The following XKR9 variants were observed in gnomAD, a reference collection of about 807,000 sequenced individuals.
XKR9 encodes the protein XK-related protein 9.
In XKR9, 32 loss-of-function variants were observed where a neutral mutation model predicts 32.0. The observed-to-expected ratio is 1.00, with a 90% CI of 0.76 to 1.34. The LOEUF is 1.34. Ranked by LOEUF, XKR9 falls within the 40% of genes most tolerant of loss-of-function variation. XKR9 has a pLI of 0.00. For synonymous variants in XKR9, 168 were observed against 143.4 expected (o/e 1.17, Z -1.22); for missense variants, 546 against 429.7 (o/e 1.27, Z -2.39).
At chr8:70,874,924 G>GT in the XKR9 span, among the ~76,000 whole-genome samples, 1 of 152,122 alleles carries the variant, frequency 6.6e-6, no homozygotes, top group Non-Finnish European at 1.5e-5. Context: ...TAAAGATTGA[G>GT]TTTTATTGAT....
intron 3 of XKR9, among the ~76,000 whole-genome samples, chr8:70,704,270 A>G (rs1805642986): frequency 6.6e-6 from 1 of 152,180 alleles, no homozygotes. Flanking sequence ...TTATATTCAT[A>G]TTCCTTTTTC....
At chr8:70,876,677 A>G in the XKR9 span, among the ~76,000 whole-genome samples, 1 of 152,138 alleles carries the variant, frequency 6.6e-6, no homozygotes, top group Non-Finnish European at 1.5e-5. Flanking sequence ...GTAAAATGAC[A>G]TTTAGTAAAT....
chr8:70,976,300 G>T, the XKR9 span, among the ~76,000 whole-genome samples: 1 of 152,148 alleles, frequency 6.6e-6, no homozygotes, highest in Non-Finnish European at 1.5e-5. Context: ...CCTGTGTCTT[G>T]TGCCAGTTTT....
At chr8:70,680,679 A>G (rs1317988487) in intron 2 of XKR9, 102 bp from the exon 3 acceptor site, 1 of 155,952 alleles carries the variant, frequency 6.4e-6, no homozygotes, top group East Asian at 1.9e-4. Flanking sequence ...TAGTGGCAAT[A>G]TATTATTTTT....
chr8:70,812,954 T>C, the XKR9 span, among the ~76,000 whole-genome samples: 1 of 152,122 alleles, frequency 6.6e-6, no homozygotes, highest in Non-Finnish European at 1.5e-5. Flanking sequence ...TTAAATTTCA[T>C]ATGGAACCAA....
the XKR9 span, among the ~76,000 whole-genome samples, chr8:71,005,866 C>G: frequency 6.6e-6 from 1 of 152,128 alleles, no homozygotes; most frequent in African/African-American, 2.4e-5. Context: ...TGCTAACTTC[C>G]AGATGAAAAG....
the XKR9 span, among the ~76,000 whole-genome samples, chr8:70,958,906 G>T: frequency 2.6e-5 from 4 of 151,876 alleles, no homozygotes; most frequent in Non-Finnish European, 5.9e-5. Context: ...AGGAGTAAAT[G>T]AAATAACATA....
chr8:70,857,402 C>A, the XKR9 span, among the ~76,000 whole-genome samples: 1 of 152,156 alleles, frequency 6.6e-6, no homozygotes, highest in Non-Finnish European at 1.5e-5. Flanking sequence ...TGGACACATA[C>A]ACCCTCCCAA....
chr8:70,756,022 T>G (rs145432367), intron 2 of XKR9, among the ~76,000 whole-genome samples: 2 of 152,178 alleles, frequency 1.3e-5, no homozygotes, highest in Admixed American at 1.3e-4. Flanking sequence ...TACATTTAGG[T>G]CTTTGATGTA....
At chr8:71,042,312 T>C in the XKR9 span, among the ~76,000 whole-genome samples, 1 of 152,092 alleles carries the variant, frequency 6.6e-6, no homozygotes, top group African/African-American at 2.4e-5. Flanking sequence ...AAGGAACAGT[T>C]GCCAGGGCCT....
chr8:71,006,766 A>G, the XKR9 span, among the ~76,000 whole-genome samples: 2 of 152,152 alleles, frequency 1.3e-5, no homozygotes, highest in Non-Finnish European at 2.9e-5. Context: ...TGAAGCAGCC[A>G]TTGTTGTGGC....
chr8:70,778,692 T>A (rs1250494712), intron 2 of XKR9, among the ~76,000 whole-genome samples: 1 of 152,186 alleles, frequency 6.6e-6, no homozygotes, highest in Non-Finnish European at 1.5e-5. Flanking sequence ...TCCTAGGTAT[T>A]TCATTCTCTT....
intron 3 of XKR9, among the ~76,000 whole-genome samples, chr8:70,693,815 AG>A (rs1465302304): frequency 2.0e-5 from 3 of 152,086 alleles, no homozygotes; most frequent in Admixed American, 1.3e-4. Context: ...AGCTCATTGG[AG>A]GTGTGGATAA....
intron 1 of XKR9, among the ~76,000 whole-genome samples, chr8:70,672,465 T>G (rs984149821): frequency 6.6e-6 from 1 of 152,262 alleles, no homozygotes; most frequent in African/African-American, 2.4e-5. Context: ...TATCACATTT[T>G]CTTTATCCAT....
chr8:70,862,371 A>G, the XKR9 span, among the ~76,000 whole-genome samples: 5 of 151,914 alleles, frequency 3.3e-5, no homozygotes, highest in Admixed American at 6.6e-5. Flanking sequence ...AGTGTTTTCC[A>G]TTTTAGACTC....
chr8:70,842,164 A>C, the XKR9 span, among the ~76,000 whole-genome samples: 1 of 151,604 alleles, frequency 6.6e-6, no homozygotes. Flanking sequence ...GTGTAGACTC[A>C]TGGATTTCTG....
the XKR9 span, among the ~76,000 whole-genome samples, chr8:70,807,746 C>T: frequency 2.0e-5 from 3 of 152,158 alleles, no homozygotes; most frequent in Admixed American, 1.3e-4. Context: ...AATACAGGAA[C>T]ATCCAGATTC....
the XKR9 span, among the ~76,000 whole-genome samples, chr8:71,050,566 A>G: frequency 6.6e-6 from 1 of 152,036 alleles, no homozygotes; most frequent in African/African-American, 2.4e-5. Flanking sequence ...GAATACTAAG[A>G]GATTTGAATA....
the XKR9 span, among the ~76,000 whole-genome samples, chr8:71,059,445 T>G: frequency 6.6e-6 from 1 of 152,232 alleles, no homozygotes; most frequent in Non-Finnish European, 1.5e-5. Flanking sequence ...TTATCTTTTC[T>G]TTTTGAACCC....
Sources: allele counts gnomAD v4.1 joint callset (sites outside exome capture counted in the v4.1 genomes callset), GRCh38; gene constraint gnomAD v4.1.1; transcripts MANE v1.5; gene names NCBI Gene and HGNC (gene_info 2026-07-23, HGNC 2026-07-21).